The following DCAF10 variants were observed in gnomAD, a reference collection of about 807,000 sequenced individuals.
The protein encoded by DCAF10 is DDB1 and CUL4 associated factor 10.
Under a neutral mutation model 51.9 loss-of-function variants are expected in DCAF10, and 19 were observed. The ratio of observed to expected loss-of-function variants is 0.37; its 90% CI spans 0.26 to 0.54. DCAF10 has a LOEUF of 0.54. Ranked by LOEUF, DCAF10 falls within the 20% of genes least tolerant of loss-of-function variation. The probability of loss-of-function intolerance (pLI) is 0.87; values close to 1 mark genes in which losing one functional copy is unlikely to be tolerated. For missense variants in DCAF10, 510 were observed against 730.6 expected (o/e 0.70, Z 3.48); for synonymous variants, 291 against 297.1 (o/e 0.98, Z 0.21).
chr9:37,807,397 T>C (rs1829146234), intron 1 of DCAF10, among the ~76,000 whole-genome samples: 2 of 152,144 alleles, frequency 1.3e-5, no homozygotes, highest in South Asian at 4.1e-4. Flanking sequence ...ATGTGGACAT[T>C]CTTAGAAGGG....
chr9:37,856,112 C>T (rs1416028124), intron 4 of DCAF10, among the ~76,000 whole-genome samples: 1 of 152,044 alleles, frequency 6.6e-6, no homozygotes, highest in Non-Finnish European at 1.5e-5. Flanking sequence ...GATTGTGCCC[C>T]ACTGCCCTCC....
At chr9:37,839,061 TTTTC>T (rs1355114538) in intron 2 of DCAF10, among the ~76,000 whole-genome samples, 1 of 143,188 alleles carries the variant, frequency 7.0e-6, no homozygotes, top group Non-Finnish European at 1.5e-5. Context: ...TTTTTTTTCT[TTTTC>T]TTTTTTTTGA....
At chr9:37,857,505 A>G (rs1050647083) in intron 5 of DCAF10, among the ~76,000 whole-genome samples, 154 bp downstream of exon 5, 2 of 152,204 alleles carry the variant, frequency 1.3e-5, no homozygotes, top group African/African-American at 2.4e-5. Flanking sequence ...ATCTTCAAAA[A>G]GCTAACCGAG....
Position 37,853,049 on chromosome 9 carries a change from G to A in DCAF10, c.852-1731G>A, listed in dbSNP as rs182931208. ...ATTAAAAAATTTTATTTTTTTTAAA[G>A]GCTGAGGCAGGAGAATCGCTTAAAC... On this transcript the variant is annotated intron_variant, in intron 3 of 6. Transcript: ENST00000377724. 3.7e-3 allele frequency among the ~76,000 whole-genome samples: 542 copies of A among 148,344 alleles called. 4 individuals are homozygous for A. The highest frequency in any genetic ancestry group is 0.013 in the African/African-American group (524 of 40,292).
chr9:37,815,016 T>G (rs1829483305), intron 1 of DCAF10, among the ~76,000 whole-genome samples: 2 of 152,120 alleles, frequency 1.3e-5, no homozygotes, highest in Admixed American at 6.6e-5. Context: ...AAAGACTGAT[T>G]TGAAATTAGA....
At chr9:37,860,704 C>T (rs1474359561) in intron 6 of DCAF10, among the ~76,000 whole-genome samples, 1 of 152,114 alleles carries the variant, frequency 6.6e-6, no homozygotes, top group African/African-American at 2.4e-5. Flanking sequence ...ATTCTCATCA[C>T]TCTGGAAAGC....
intron 2 of DCAF10, among the ~76,000 whole-genome samples, chr9:37,825,913 T>G (rs147949185): frequency 0.015 from 2,206 of 152,020 alleles, 24 homozygotes; most frequent in Middle Eastern, 0.037. Flanking sequence ...CGCGTGCCTG[T>G]AATCCCAGCT....
chr9:37,854,898 A>G lies in DCAF10; in HGVS notation c.970A>G (p.Ile324Val). 1.2e-6 allele frequency: 2 copies of G among 1,614,020 alleles called. No homozygotes were observed. Among genetic ancestry groups the G allele is most frequent in the Non-Finnish European group, 1.7e-6 (2 of 1,179,972 alleles). Reference sequence around the variant, plus strand: ...TTCAACGTCCTCTGGATATCTCTTAATTTTGCATGACCTTGACTTAACTAA... The same window carrying G: ...TTCAACGTCCTCTGGATATCTCTTAGTTTTGCATGACCTTGACTTAACTAA... ...LISTSSGYLL[I>V]LHDLDLTKSL... is the part of the protein sequence containing the mutation. Residue 324 changes from isoleucine (I) to valine (V), a missense_variant, in exon 4 of 7, where the codon ATT becomes GTT. This residue lies in a region of DCAF10 where 126 missense variants were observed against 271.5 expected (regional missense o/e 0.46). Coordinates refer to ENST00000377724, the MANE Select transcript of DCAF10 (RefSeq NM_024345.5).
In DCAF10 at chr9:37,829,878, G is replaced by A. The variant is rs1437697491; in HGVS notation, c.653+10477G>A. 2.6e-5 allele frequency among the ~76,000 whole-genome samples: 4 copies of A among 152,066 alleles called. No homozygotes were observed. Among genetic ancestry groups the A allele is most frequent in the Non-Finnish European group, 5.9e-5 (4 of 68,012 alleles). The stretch of plus-strand genomic sequence containing the variant: ...AAAAATTAGCCAGGTGTAGTTGCAC[G>A]TGCCTATAGTCCCAGCTACTTAGAA... On this transcript the variant is annotated intron_variant, in intron 2 of 6. Transcript: ENST00000377724. The surrounding 1 kb of genome is among the most constrained non-coding windows in gnomAD (Gnocchi z 4.2).
At chr9:37,816,137 A>AC (rs1187580269) in intron 1 of DCAF10, among the ~76,000 whole-genome samples, 1 of 152,176 alleles carries the variant, frequency 6.6e-6, no homozygotes, top group Non-Finnish European at 1.5e-5. Flanking sequence ...TATAAAAAAA[A>AC]ATCAAGTGCC....
intron 1 of DCAF10, among the ~76,000 whole-genome samples, chr9:37,806,462 G>C (rs1829117593): frequency 6.6e-6 from 1 of 152,158 alleles, no homozygotes; most frequent in Admixed American, 6.5e-5. Context: ...TAGGCCCAGT[G>C]ACCATCTGGC....
chr9:37,863,938 C>G lies in DCAF10; in HGVS notation c.*2430C>G, dbSNP rs1346215647. 1 of 152,086 alleles carries G rather than the reference C, an allele frequency of 6.6e-6. No individual in the cohort carries two copies. The highest frequency in any genetic ancestry group is 2.4e-5 in the African/African-American group (1 of 41,408). The allele number at this position is 152,086 out of a possible 1,614,324, so 9.4% of individuals were successfully genotyped here. A position where few individuals can be genotyped will look rare whatever the true frequency, so the allele number is the denominator to read the frequency against. ...TTTTTTGTCACTGAGAAAATTATCA[C>G]AAAGCACAGTAAATACATATACTTA... On this transcript the variant is annotated 3_prime_UTR_variant, in exon 7 of 7. Coordinates refer to ENST00000377724, the MANE Select transcript of DCAF10 (RefSeq NM_024345.5).
rs1309432438 is a variant in DCAF10, at chr9:37,866,820, CAA to C, written c.*5314_*5315del. 1 of 152,436 alleles carries C rather than the reference CAA, an allele frequency of 6.6e-6. No individual in the cohort carries two copies. The highest frequency in any genetic ancestry group is 6.6e-5 in the Admixed American group (1 of 15,240). The allele number at this position is 152,436 out of a possible 1,614,324, so 9.4% of individuals were successfully genotyped here. A position where few individuals can be genotyped will look rare whatever the true frequency, so the allele number is the denominator to read the frequency against. On this transcript the variant is annotated 3_prime_UTR_variant, in exon 7 of 7. Coordinates refer to ENST00000377724, the MANE Select transcript of DCAF10 (RefSeq NM_024345.5). The stretch of plus-strand genomic sequence containing the variant: ...GACTAAGGAATAAACAGCAAGGTAC[CAA>C]AGTACAGCAAAGCAACAACAAAGGC...
chr9:37,851,511 C>G (rs1781832424), intron 3 of DCAF10, among the ~76,000 whole-genome samples: 1 of 146,558 alleles, frequency 6.8e-6, no homozygotes, highest in Admixed American at 6.8e-5. Flanking sequence ...AGGGCATAAA[C>G]TGCCTGGGCA....
At chr9:37,803,088 TA>T (rs1829007016) in intron 1 of DCAF10, among the ~76,000 whole-genome samples, 1 of 152,232 alleles carries the variant, frequency 6.6e-6, no homozygotes, top group Non-Finnish European at 1.5e-5. Flanking sequence ...TATTTTCTCA[TA>T]ACAGTTTTGT....
At chr9:37,858,977 G>T (rs1830933993) in intron 5 of DCAF10, among the ~76,000 whole-genome samples, 1 of 152,202 alleles carries the variant, frequency 6.6e-6, no homozygotes, top group South Asian at 2.1e-4. Context: ...AAGGAGCACA[G>T]TTAGCAAACC....
intron 2 of DCAF10, among the ~76,000 whole-genome samples, chr9:37,828,606 T>C (rs775234703): frequency 6.6e-6 from 1 of 152,174 alleles, no homozygotes; most frequent in Non-Finnish European, 1.5e-5. Flanking sequence ...TTAAAACTTA[T>C]ATAGAACAGC....
At chr9:37,808,387 G>A (rs1589074824) in intron 1 of DCAF10, among the ~76,000 whole-genome samples, 1 of 147,874 alleles carries the variant, frequency 6.8e-6, no homozygotes, top group African/African-American at 2.5e-5. Flanking sequence ...CAGCCTGGGC[G>A]ACAGCCTGGG....
At chr9:37,817,717 A>G (rs75669251) in intron 1 of DCAF10, among the ~76,000 whole-genome samples, 19,393 of 151,876 alleles carry the variant, frequency 0.13, 1,401 homozygotes, top group Non-Finnish European at 0.16. Context: ...CTTGAGCAAC[A>G]TAGTGTGATC....
Sources: gnomAD v4.1 joint callset for allele counts (sites outside exome capture counted in the v4.1 genomes callset) on GRCh38, gnomAD v4.1.1 for gene constraint, gnomAD v4.1.1 regional missense constraint, Gnocchi (gnomAD v3.1) non-coding constraint, MANE v1.5 for transcripts, NCBI Gene and HGNC (gene_info 2026-07-23, HGNC 2026-07-21) for gene names.